MAPK10: variants seen among roughly 807,000 people sequenced by gnomAD.
The protein encoded by MAPK10 is JNK3 alpha protein kinase.
MAPK10 carries 25 observed loss-of-function variants against 59.3 expected under a neutral mutation model. That is an observed-to-expected ratio of 0.42 (90% confidence interval 0.31 to 0.59). The LOEUF is 0.59. Ranked by LOEUF, MAPK10 falls within the 20% of genes least tolerant of loss-of-function variation. MAPK10 has a pLI of 0.15. For synonymous variants in MAPK10, 190 were observed against 200.5 expected (o/e 0.95, Z 0.44); for missense variants, 351 against 568.9 (o/e 0.62, Z 3.90).
intron 1 of MAPK10, among the ~76,000 whole-genome samples, chr4:86,495,319 T>C (rs1006374264): frequency 2.6e-5 from 4 of 152,212 alleles, no homozygotes; most frequent in Non-Finnish European, 5.9e-5. Context: ...GTAGATAAAA[T>C]AGTATCATGA....
Position 86,141,674 on chromosome 4 carries a change from T to C in MAPK10, c.236+17624A>G, listed in dbSNP as rs1366246208. On this transcript the variant is annotated intron_variant, in intron 4 of 13. Transcript: ENST00000641462. The stretch of plus-strand genomic sequence containing the variant: ...TAGAATTTATTGATAGAGAATACAC[T>C]TTTAAAAATACACATTGAGCAAATG... Among the ~76,000 whole-genome samples the C allele has an allele frequency of 2.0e-5, 3 of 152,192 alleles. No individual in the cohort carries two copies. In the East Asian group the frequency reaches 5.8e-4, roughly 29 times the overall value.
intron 2 of MAPK10, among the ~76,000 whole-genome samples, chr4:86,239,804 C>A (rs556074630): frequency 1.1e-3 from 159 of 142,910 alleles, no homozygotes; most frequent in Non-Finnish European, 2.1e-3. Flanking sequence ...AAAAAAAAAA[C>A]AGATCCTGGA....
Position 86,013,411 on chromosome 4 carries a change from T to G in MAPK10, c.*3817A>C, listed in dbSNP as rs922582777. The G allele has an allele frequency of 6.6e-6, 1 of 152,174 alleles. No individual in the cohort carries two copies. Among genetic ancestry groups the G allele is most frequent in the African/African-American group, 2.4e-5 (1 of 41,464 alleles). 9.4% of individuals were successfully genotyped at this position (152,174 alleles called of 1,614,324 possible). On this transcript the variant is annotated 3_prime_UTR_variant, in exon 14 of 14. Coordinates refer to ENST00000641462, the MANE Select transcript of MAPK10 (RefSeq NM_138982.4). ...CTGAGATCAAAAATTTCTAGAGCAA[T>G]TTTACTCCTCTTTCTGAGCTGTAGA... is the stretch of plus-strand genomic sequence containing the variant.
chr4:86,294,963 G>T (rs2148828665), intron 2 of MAPK10, among the ~76,000 whole-genome samples: 1 of 152,148 alleles, frequency 6.6e-6, no homozygotes, highest in African/African-American at 2.4e-5. Context: ...CATCTCACCA[G>T]CCAAAACGGA....
At chr4:86,409,103 TTC>T (rs1744787734) in intron 1 of MAPK10, among the ~76,000 whole-genome samples, 1 of 152,346 alleles carries the variant, frequency 6.6e-6, no homozygotes, top group African/African-American at 2.4e-5. Context: ...GGGATCCAGT[TTC>T]AGCTTTCTAC....
At chr4:86,518,577 T>C (rs1756876729) in intron 1 of MAPK10, among the ~76,000 whole-genome samples, 1 of 152,130 alleles carries the variant, frequency 6.6e-6, no homozygotes, top group African/African-American at 2.4e-5. Flanking sequence ...TTTTGTTTCA[T>C]TTATCTTTTG....
chr4:86,221,322 G>T (rs1433451529), intron 2 of MAPK10, among the ~76,000 whole-genome samples: 1 of 152,124 alleles, frequency 6.6e-6, no homozygotes, highest in African/African-American at 2.4e-5. Context: ...GGAGGAAAAA[G>T]CCACATCGGA....
At chr4:86,084,105 A>AGGTGAG (rs2051248322) in intron 9 of MAPK10, among the ~76,000 whole-genome samples, 1 of 152,180 alleles carries the variant, frequency 6.6e-6, no homozygotes, top group African/African-American at 2.4e-5. Context: ...TGCTGGCCTC[A>AGGTGAG]GGTGAGACTC....
intron 2 of MAPK10, among the ~76,000 whole-genome samples, chr4:86,208,136 T>A (rs2084682253): frequency 6.6e-6 from 1 of 152,086 alleles, no homozygotes; most frequent in Non-Finnish European, 1.5e-5. Flanking sequence ...CCAGATGTAT[T>A]CACAGCCGAA....
rs1429911571 is a variant in MAPK10, at chr4:86,073,988, G to A, written c.803-6033C>T. Among the ~76,000 whole-genome samples the A allele has an allele frequency of 2.0e-5, 2 of 99,098 alleles. 1 individual carries two copies. The highest frequency in any genetic ancestry group is 9.2e-5 in the African/African-American group (2 of 21,688). 65.0% of individuals were successfully genotyped at this position (99,098 alleles called of 152,430 possible). ...CTCGTTGATCTGTCTAATGTTGACAGTGGGGTGTTAAAGTCTCCCATTATT... is the reference window on the plus strand; with the variant it reads ...CTCGTTGATCTGTCTAATGTTGACAATGGGGTGTTAAAGTCTCCCATTATT... On this transcript the variant is annotated intron_variant, in intron 9 of 13. Coordinates refer to ENST00000641462, the MANE Select transcript of MAPK10 (RefSeq NM_138982.4).
chr4:86,124,635 T>A (rs781554404), intron 4 of MAPK10: 8 of 151,936 alleles, frequency 5.3e-5, no homozygotes, highest in Non-Finnish European at 7.4e-5. Context: ...AGCAAGAAAT[T>A]AACTGAACAA....
At chr4:86,333,206 G>T (rs565985946) in intron 2 of MAPK10, among the ~76,000 whole-genome samples, 1 of 152,030 alleles carries the variant, frequency 6.6e-6, no homozygotes, top group Non-Finnish European at 1.5e-5. Context: ...TCTAGAAAAC[G>T]ATTTCTAGAA....
At chr4:86,104,241 T>C (rs2056122932) in intron 5 of MAPK10, among the ~76,000 whole-genome samples, 1 of 152,100 alleles carries the variant, frequency 6.6e-6, no homozygotes, top group Non-Finnish European at 1.5e-5. Context: ...TTTTAACTGA[T>C]TGAGAAATTA....
intron 8 of MAPK10, 55 bp downstream of exon 8, chr4:86,100,997 A>G (rs1268110991): frequency 6.7e-7 from 1 of 1,501,732 alleles, no homozygotes. Context: ...GGCTATCTAC[A>G]ACGTGCACCC....
intron 9 of MAPK10, among the ~76,000 whole-genome samples, chr4:86,069,913 A>G (rs1166334918): frequency 2.2e-5 from 1 of 44,624 alleles, no homozygotes; most frequent in Non-Finnish European, 4.6e-5. Context: ...TCCCAAAACA[A>G]AAAAAACTGA....
chr4:86,176,995 C>T (rs755474449), intron 3 of MAPK10, among the ~76,000 whole-genome samples: 4 of 151,892 alleles, frequency 2.6e-5, no homozygotes, highest in Non-Finnish European at 4.4e-5. Flanking sequence ...GTCAGGTTTC[C>T]TTAAATAATA....
At chr4:86,498,787 CATTT>C (rs1352898408) in intron 1 of MAPK10, among the ~76,000 whole-genome samples, 3 of 152,188 alleles carry the variant, frequency 2.0e-5, no homozygotes, top group African/African-American at 7.2e-5. Context: ...CGCCAAACAT[CATTT>C]ATAGCTAACC....
chr4:86,451,473 T>C (rs1177737697), intron 1 of MAPK10, among the ~76,000 whole-genome samples: 7 of 152,228 alleles, frequency 4.6e-5, no homozygotes. Flanking sequence ...AAGCATTTTA[T>C]ATGGATACTA....
intron 9 of MAPK10, among the ~76,000 whole-genome samples, chr4:86,071,917 A>T (rs1311185262): frequency 1.6e-5 from 2 of 124,432 alleles, no homozygotes; most frequent in Non-Finnish European, 3.4e-5. Flanking sequence ...AGTTTTTTCC[A>T]ATTCTGTGAA....
Sources: gnomAD v4.1 joint callset for allele counts (sites outside exome capture counted in the v4.1 genomes callset) on GRCh38, gnomAD v4.1.1 for gene constraint, MANE v1.5 for transcripts, NCBI Gene and HGNC (gene_info 2026-07-23, HGNC 2026-07-21) for gene names.